MED24: variants seen among roughly 807,000 people sequenced by gnomAD.
MED24 encodes the protein mediator of RNA polymerase II transcription subunit 24.
Under a neutral mutation model 118.8 loss-of-function variants are expected in MED24, and 74 were observed. That is an observed-to-expected ratio of 0.62 (90% CI 0.52 to 0.76). MED24 has a LOEUF of 0.76. MED24 is among the 30% of genes least tolerant of loss of function. The pLI is 0.00. For missense variants in MED24, 1,041 were observed against 1,278.9 expected (o/e 0.81, Z 2.84); for synonymous variants, 521 against 523.9 (o/e 0.99, Z 0.08).
intron 12 of MED24, among the ~76,000 whole-genome samples, chr17:40,030,451 G>A (rs765461808): frequency 6.0e-5 from 9 of 151,110 alleles, no homozygotes; most frequent in Non-Finnish European, 1.3e-4. Context: ...GCATACCATC[G>A]CGCCTGATTA....
chr17:40,033,241 G>A lies in MED24; in HGVS notation c.672-35C>T, dbSNP rs917311755. On this transcript the variant is annotated intron_variant, in intron 7 of 25. Transcript: ENST00000394128. This position sits in a 1 kb window ranked among gnomAD's most constrained non-coding sequence, Gnocchi z 5.2. The stretch of plus-strand genomic sequence containing the variant: ...CACAAACACAGGGGACGGTGTTTGG[G>A]GGGCCAAAGGTGAAGGCGGAGAGGA... The A allele has an allele frequency of 1.2e-6, 2 of 1,612,870 alleles. No individual in the cohort carries two copies. The highest frequency in any genetic ancestry group is 1.7e-5 in the Admixed American group (1 of 60,026).
intron 24 of MED24, 154 bp from the exon 25 acceptor site, chr17:40,020,087 T>C (rs1255215227): frequency 3.1e-6 from 3 of 971,760 alleles, no homozygotes; most frequent in Non-Finnish European, 4.6e-6. Flanking sequence ...AAAAGGCAAT[T>C]GGGGAGGGGA....
chr17:40,037,876 A>G (rs1277185228), intron 3 of MED24, among the ~76,000 whole-genome samples: 1 of 150,974 alleles, frequency 6.6e-6, no homozygotes, highest in Non-Finnish European at 1.5e-5. Flanking sequence ...GCGCCACTGC[A>G]CTCCAGTGTG....
Position 40,035,091 on chromosome 17 carries a change from G to A in MED24, c.559+26C>T, listed in dbSNP as rs768744961. On this transcript the variant is annotated intron_variant, in intron 6 of 25. Transcript: ENST00000394128. ...CCGGCTATGGGAGCAGCGGCAGGTG[G>A]GGCTCAGGGGAATCAAGGGACATAC... 4 of 1,611,886 alleles carry A rather than the reference G, an allele frequency of 2.5e-6. No individual in the cohort carries two copies. In the East Asian group the frequency reaches 8.9e-5, roughly 36 times the overall value.
chr17:40,019,205 T>TAA lies in MED24; in HGVS notation c.*323_*324insTT. 9.0e-6 allele frequency: 2 copies of TAA among 221,626 alleles called. No individual in the cohort carries two copies. The highest frequency in any genetic ancestry group is 1.7e-5 in the Non-Finnish European group (2 of 119,274). 13.7% of individuals were successfully genotyped at this position (221,626 alleles called of 1,614,324 possible). On this transcript the variant is annotated 3_prime_UTR_variant, in exon 26 of 26. Transcript: ENST00000394128. ...ACACACACACACACACACACACACA[T>TAA]ACACACTTTGCATCTAGAAAGTTCC... is the stretch of plus-strand genomic sequence containing the variant.
In MED24 at chr17:40,036,119, A is replaced by T; in HGVS notation, c.249T>A (p.Ser83Arg). The T allele has an allele frequency of 6.2e-7, 1 of 1,612,310 alleles. No homozygotes were observed. The highest frequency in any genetic ancestry group is 1.1e-5 in the South Asian group (1 of 91,042). Reference protein sequence around the residue: ...VSYSSVLTAISKFDDFSRDLC... With the variant: ...VSYSSVLTAIRKFDDFSRDLC... ...TCCTGAGTGTCTATGGTCATACCTT[A>T]CTGATGGCTGTGAGGACAGAAGAGT... is the stretch of plus-strand genomic sequence containing the variant. Residue 83 changes from serine (S) to arginine (R), a missense_variant, in exon 4 of 26, where the codon AGT becomes AGA. Physicochemically the swap from Ser to Arg is moderately radical, Grantham distance 110 (BLOSUM62 -1). Coordinates refer to ENST00000394128, the MANE Select transcript of MED24 (RefSeq NM_014815.4).
intron 3 of MED24, among the ~76,000 whole-genome samples, chr17:40,047,534 C>T (rs920867166): frequency 3.3e-5 from 5 of 151,802 alleles, no homozygotes; most frequent in Non-Finnish European, 5.9e-5. Flanking sequence ...TGGTGGAGGA[C>T]ACCTGTAATC....
intron 3 of MED24, among the ~76,000 whole-genome samples, chr17:40,046,409 AT>A (rs201191085): frequency 0.014 from 2,034 of 150,428 alleles, 42 homozygotes; most frequent in African/African-American, 0.048. Flanking sequence ...ATAAAAAAAA[AT>A]ATATATGTGT....
intron 14 of MED24, 195 bp from the exon 15 acceptor site, chr17:40,028,141 A>G: frequency 1.8e-6 from 1 of 553,868 alleles, no homozygotes; most frequent in Admixed American, 3.1e-5. Context: ...TTTGAGAAAG[A>G]GTCTCGCTCT....
Position 40,023,359 on chromosome 17 carries a change from A to G in MED24, c.2022T>C (p.Cys674=). The G allele has an allele frequency of 6.2e-7, 1 of 1,610,338 alleles. No individual in the cohort carries two copies. ...VIMNSILERM[C]ADVLQQTATQ... The stretch of plus-strand genomic sequence containing the variant: ...TGGCTGTCTGCTGCAGCACGTCGGC[A>G]CACATGCGCTCCAGGATCGAGTTCA... The change falls in exon 20 of 26, where the codon TGT becomes TGC. Residue 674 remains cysteine (C), a synonymous_variant. Coordinates refer to ENST00000394128, the MANE Select transcript of MED24 (RefSeq NM_014815.4).
At chr17:40,036,472 C>T (rs1469830561) in intron 3 of MED24, among the ~76,000 whole-genome samples, 4 of 152,020 alleles carry the variant, frequency 2.6e-5, no homozygotes, top group African/African-American at 9.7e-5. Flanking sequence ...GGGCGGATCA[C>T]GAGGTGAGGA....
intron 3 of MED24, among the ~76,000 whole-genome samples, chr17:40,051,136 CAAAAAA>C (rs1224890104): frequency 2.4e-5 from 2 of 81,762 alleles, no homozygotes; most frequent in Non-Finnish European, 4.6e-5. Context: ...GACTCTGTCT[CAAAAAA>C]AAAAAAAAAA....
chr17:40,046,000 G>A (rs147687700), intron 3 of MED24, among the ~76,000 whole-genome samples: 11,587 of 148,064 alleles, frequency 0.078, 1,514 homozygotes, highest in African/African-American at 0.27. Flanking sequence ...GATGGTCTCG[G>A]TCTCCTGACC....
intron 14 of MED24, 76 bp downstream of exon 14, chr17:40,028,750 G>A: frequency 6.4e-7 from 1 of 1,573,200 alleles, no homozygotes; most frequent in Non-Finnish European, 8.6e-7. Context: ...CCAGGCACCT[G>A]ACTCCTACCC....
rs1331441245 is a variant in MED24 at position 40,033,524 on chromosome 17, T to G, written c.560-68A>C. 1 of 1,379,560 alleles carries G rather than the reference T, an allele frequency of 7.2e-7. No individual in the cohort carries two copies. The highest frequency in any genetic ancestry group is 1.4e-5 in the African/African-American group (1 of 69,498). The allele number at this position is 1,379,560 out of a possible 1,614,324, so 85.5% of individuals were successfully genotyped here. A position where few individuals can be genotyped will look rare whatever the true frequency, so the allele number is the denominator to read the frequency against. On this transcript the variant is annotated intron_variant, in intron 6 of 25. Transcript: ENST00000394128. The surrounding 1 kb of genome is among the most constrained non-coding windows in gnomAD (Gnocchi z 5.2). The stretch of plus-strand genomic sequence containing the variant: ...AGAGAAGGAGCACCTGGCCCTGAAC[T>G]CCTCGATTTTGGCACTCCCTCCGGC...
intron 8 of MED24, 90 bp from the exon 9 acceptor site, chr17:40,032,852 T>C: frequency 7.2e-7 from 1 of 1,379,468 alleles, no homozygotes; most frequent in Non-Finnish European, 1.0e-6. Flanking sequence ...GGTCAGAGAC[T>C]GCATGGCAGA....
At chr17:40,036,517 C>T (rs1165125962) in intron 3 of MED24, among the ~76,000 whole-genome samples, 3 of 151,744 alleles carry the variant, frequency 2.0e-5, no homozygotes, top group African/African-American at 4.8e-5. Flanking sequence ...GGTGAAACCC[C>T]GTCTCTACTA....
In MED24 at chr17:40,033,834, G is replaced by A. The variant is rs1983659013; in HGVS notation, c.560-378C>T. 6.6e-6 allele frequency: 3 copies of A among 454,124 alleles called. No homozygotes were observed. Among genetic ancestry groups the A allele is most frequent in the South Asian group, 1.6e-5 (1 of 63,218 alleles). 28.1% of individuals were successfully genotyped at this position (454,124 alleles called of 1,614,324 possible). A position where few individuals can be genotyped will look rare whatever the true frequency, so the allele number is the denominator to read the frequency against. On this transcript the variant is annotated intron_variant, in intron 6 of 25. Transcript: ENST00000394128. This position sits in a 1 kb window ranked among gnomAD's most constrained non-coding sequence, Gnocchi z 5.2. ...TGAGCGGATCCCAAAGTCCAGTCTT[G>A]CAGAGGCTGTCACTCTCCTCTGGGG... is the stretch of plus-strand genomic sequence containing the variant.
At position 40,023,272 on chromosome 17, in the gene MED24, G is replaced by T; in HGVS notation, c.2109C>A (p.Pro703=). 8 of 1,613,852 alleles carry T rather than the reference G, an allele frequency of 5.0e-6. No individual in the cohort carries two copies. The highest frequency in any genetic ancestry group is 1.7e-5 in the Admixed American group (1 of 60,002). The part of the protein sequence containing the change: ...DTMPYWNLLP[P]KRPIKEVLTD... ...TCAGCACCTCTTTGATGGGCCGCTTGGGGGGCAGCAGGTTCCAGTAGGGCA... is the reference window on the plus strand; with the variant it reads ...TCAGCACCTCTTTGATGGGCCGCTTTGGGGGCAGCAGGTTCCAGTAGGGCA... Residue 703 remains proline, a synonymous_variant, in exon 20 of 26, where the codon CCC becomes CCA. Coordinates refer to ENST00000394128, the MANE Select transcript of MED24 (RefSeq NM_014815.4).
Sources: gnomAD v4.1 joint callset for allele counts (sites outside exome capture counted in the v4.1 genomes callset) on GRCh38, gnomAD v4.1.1 for gene constraint, Gnocchi (gnomAD v3.1) non-coding constraint, MANE v1.5 for transcripts, NCBI Gene and HGNC (gene_info 2026-07-23, HGNC 2026-07-21) for gene names.